PTPRQ: variants seen among roughly 807,000 people sequenced by gnomAD.
PTPRQ encodes the protein protein tyrosine phosphatase receptor type Q, also known as phosphatidylinositol phosphatase PTPRQ.
In PTPRQ, 199 loss-of-function variants were observed where a neutral mutation model predicts 246.0. That is an observed-to-expected ratio of 0.81 (90% CI 0.72 to 0.91). The LOEUF (loss-of-function observed/expected upper bound fraction) is 0.91, where lower values mean the gene tolerates loss of function less well. Ranked by LOEUF, PTPRQ falls within the 40% of genes least tolerant of loss-of-function variation. PTPRQ has a pLI of 0.00. For synonymous variants in PTPRQ, 869 were observed against 853.2 expected (o/e 1.02, Z -0.32); for missense variants, 2,624 against 2,528.4 (o/e 1.04, Z -0.81).
At chr12:80,584,952 T>A (rs1897563143) in intron 25 of PTPRQ, among the ~76,000 whole-genome samples, 1 of 151,866 alleles carries the variant, frequency 6.6e-6, no homozygotes, top group African/African-American at 2.4e-5. Flanking sequence ...TAAAACAGAA[T>A]GTGTTGTAAA....
chr12:80,594,765 C>G (rs1897914086), intron 26 of PTPRQ, among the ~76,000 whole-genome samples: 1 of 145,508 alleles, frequency 6.9e-6, no homozygotes, highest in Non-Finnish European at 1.5e-5. Flanking sequence ...CTAAATATCT[C>G]TTGTATTTGT....
chr12:80,512,945 T>G (rs929236683), intron 17 of PTPRQ: 2 of 152,108 alleles, frequency 1.3e-5, no homozygotes, highest in Non-Finnish European at 2.9e-5. Flanking sequence ...GTCTCAATTC[T>G]CTGGTGCCCC....
intron 3 of PTPRQ, among the ~76,000 whole-genome samples, chr12:80,456,444 G>A (rs1383739520): frequency 6.6e-6 from 1 of 152,052 alleles, no homozygotes; most frequent in African/African-American, 2.4e-5. Flanking sequence ...ATATAATATA[G>A]GTATTTTCTG....
chr12:80,652,639 T>G, intron 37 of PTPRQ, 105 bp from the exon 38 acceptor site: 1 of 1,196,532 alleles, frequency 8.4e-7, no homozygotes, highest in Non-Finnish European at 1.1e-6. Flanking sequence ...TGTTTTTAAT[T>G]TAAAAATTAA....
At chr12:80,625,804 A>G (rs1479252553) in intron 33 of PTPRQ, among the ~76,000 whole-genome samples, 2 of 152,142 alleles carry the variant, frequency 1.3e-5, no homozygotes, top group Non-Finnish European at 2.9e-5. Context: ...TTTTTACTCA[A>G]GATTGAGTAT....
intron 38 of PTPRQ, among the ~76,000 whole-genome samples, chr12:80,657,774 T>C (rs1307520584): frequency 6.6e-6 from 1 of 151,858 alleles, no homozygotes; most frequent in East Asian, 1.9e-4. Flanking sequence ...AGAATATGTA[T>C]AGAAAATTCT....
intron 25 of PTPRQ, among the ~76,000 whole-genome samples, chr12:80,563,354 G>C (rs1423227272): frequency 6.6e-6 from 1 of 151,708 alleles, no homozygotes; most frequent in Non-Finnish European, 1.5e-5. Flanking sequence ...CGTGATTACT[G>C]CCCTAATCCC....
At chr12:80,603,342 G>A (rs1213407296) in intron 26 of PTPRQ, among the ~76,000 whole-genome samples, 2 of 151,510 alleles carry the variant, frequency 1.3e-5, no homozygotes, top group East Asian at 2.0e-4. Context: ...TAAATCAATG[G>A]AAAAATAATT....
At chr12:80,668,333 T>C (rs998167132) in intron 39 of PTPRQ, among the ~76,000 whole-genome samples, 1 of 151,900 alleles carries the variant, frequency 6.6e-6, no homozygotes, top group African/African-American at 2.4e-5. Context: ...TTAAGACAGA[T>C]CTCATGTCCT....
At position 80,495,373 on chromosome 12, in the gene PTPRQ, T is replaced by C. The variant is rs995653798; in HGVS notation, c.1882+2T>C. On this transcript the variant is annotated splice_donor_variant, in intron 12 of 44. Transcript: ENST00000644991. LOFTEE classifies it high-confidence loss of function. ...TAGATAACAGCTTTCTCATAACAGG[T>C]AGAAAACAATGTTTTGTTGTTGTTG... The C allele has an allele frequency of 1.2e-5, 17 of 1,466,656 alleles. No homozygotes were observed. Among genetic ancestry groups the C allele is most frequent in the Non-Finnish European group, 1.4e-5 (16 of 1,115,598 alleles). The allele number at this position is 1,466,656 out of a possible 1,614,324, so 90.9% of individuals were successfully genotyped here.
At chr12:80,678,347 G>T (rs1901211527) in intron 43 of PTPRQ, among the ~76,000 whole-genome samples, 2 of 152,032 alleles carry the variant, frequency 1.3e-5, no homozygotes, top group South Asian at 4.1e-4. Context: ...ATAACAGCAA[G>T]AAAGAATATA....
At chr12:80,559,153 T>C (rs1896752317) in intron 25 of PTPRQ, among the ~76,000 whole-genome samples, 1 of 152,110 alleles carries the variant, frequency 6.6e-6, no homozygotes, top group Admixed American at 6.5e-5. Context: ...CAAGCAATTC[T>C]CCTGCCCCAG....
intron 25 of PTPRQ, among the ~76,000 whole-genome samples, chr12:80,574,635 T>C (rs1897236096): frequency 6.6e-6 from 1 of 152,226 alleles, no homozygotes; most frequent in African/African-American, 2.4e-5. Flanking sequence ...TTGACTTATA[T>C]CTACTTAATT....
At chr12:80,677,322 T>A (rs987658986) in intron 43 of PTPRQ, among the ~76,000 whole-genome samples, 1 of 152,232 alleles carries the variant, frequency 6.6e-6, no homozygotes, top group Non-Finnish European at 1.5e-5. Flanking sequence ...AGTAACTTAC[T>A]AGCAATTTCA....
rs554839327 is a variant in PTPRQ, at chr12:80,642,907, G to A, written c.5916-5990G>A. Among the ~76,000 whole-genome samples the A allele has an allele frequency of 2.4e-3, 275 of 114,032 alleles. 3 individuals carry two copies. Among genetic ancestry groups the A allele is most frequent in the Middle Eastern group, 6.2e-3 (1 of 162 alleles). 74.8% of individuals were successfully genotyped at this position (114,032 alleles called of 152,430 possible). ...TGCACTCCAGCCTGGGCGACAGAGC[G>A]AGACTCCGTCTTAAAAAAAAAAAAA... On this transcript the variant is annotated intron_variant, in intron 35 of 44. Transcript: ENST00000644991.
At chr12:80,554,713 T>A (rs773824878) in intron 25 of PTPRQ, among the ~76,000 whole-genome samples, 4 of 152,194 alleles carry the variant, frequency 2.6e-5, no homozygotes, top group Non-Finnish European at 5.9e-5. Context: ...ATGATTGACT[T>A]GGCATGTATT....
At chr12:80,655,654 T>C (rs1460259559) in intron 38 of PTPRQ, among the ~76,000 whole-genome samples, 1 of 151,612 alleles carries the variant, frequency 6.6e-6, no homozygotes, top group Non-Finnish European at 1.5e-5. Flanking sequence ...ACACACACAC[T>C]AGGAACAAGC....
chr12:80,652,830 A>G lies in PTPRQ; in HGVS notation c.6111A>G (p.Lys2037=). ...CAAAAAACCGCTTCCCAAACATAAA[A>G]CCATGTATGTGCATTTGTTGGTTTT... ...NRAKNRFPNI[K]PYNNNRVKLI... Residue 2037 remains lysine, a synonymous_variant, in exon 38 of 45, where the codon AAA becomes AAG. Transcript: ENST00000644991. The G allele has an allele frequency of 1.3e-6, 2 of 1,497,666 alleles. No homozygotes were observed. The highest frequency in any genetic ancestry group is 1.8e-6 in the Non-Finnish European group (2 of 1,123,836). 92.8% of individuals were successfully genotyped at this position (1,497,666 alleles called of 1,614,324 possible). A position where few individuals can be genotyped will look rare whatever the true frequency, so the allele number is the denominator to read the frequency against.
At chr12:80,592,226 T>C (rs1015033496) in intron 26 of PTPRQ, among the ~76,000 whole-genome samples, 1 of 152,220 alleles carries the variant, frequency 6.6e-6, no homozygotes, top group African/African-American at 2.4e-5. Flanking sequence ...GATTGCATTC[T>C]CAAAACTCAT....
Sources: gnomAD v4.1 joint callset for allele counts (sites outside exome capture counted in the v4.1 genomes callset) on GRCh38, gnomAD v4.1.1 for gene constraint, MANE v1.5 for transcripts, NCBI Gene and HGNC (gene_info 2026-07-23, HGNC 2026-07-21) for gene names.